The following MEP1A variants were observed in gnomAD, a reference collection of about 807,000 sequenced individuals.
MEP1A encodes the protein N-benzoyl-L-tyrosyl-P-amino-benzoic acid hydrolase subunit alpha.
Under a neutral mutation model 84.5 loss-of-function variants are expected in MEP1A, and 68 were observed. The observed-to-expected ratio is 0.80, with a 90% CI of 0.66 to 0.98. The LOEUF is 0.98. MEP1A is among the 50% of genes least tolerant of loss of function. MEP1A has a pLI of 0.00. For synonymous variants in MEP1A, 337 were observed against 336.8 expected, an observed-to-expected ratio of 1.00 and a Z score of -0.01; for missense variants, 887 against 919.9, an observed-to-expected ratio of 0.96 and a Z score of 0.46.
intron 3 of MEP1A, among the ~76,000 whole-genome samples, chr6:46,798,288 C>G (rs1317058663): frequency 6.6e-6 from 1 of 152,078 alleles, no homozygotes; most frequent in African/African-American, 2.4e-5. Flanking sequence ...TAGTTTTCAT[C>G]CTCCTTATCA....
chr6:46,843,445 A>C (rs761062174), downstream of MEP1A, among the ~76,000 whole-genome samples: 7 of 152,238 alleles, frequency 4.6e-5, no homozygotes, highest in Non-Finnish European at 7.3e-5. Context: ...CTGTCTTGAT[A>C]ATTGTATTTA....
rs114538502 is a variant in MEP1A at position 46,816,273 on chromosome 6, A to T, written c.381-3256A>T. On this transcript the variant is annotated intron_variant, in intron 6 of 13. Transcript: ENST00000230588. ...CGCCCGGCCTCATTCTTCTATTTTT[A>T]AAAAAATTGCACACCTACTACATTC... 5.8e-3 allele frequency among the ~76,000 whole-genome samples: 881 copies of T among 152,176 alleles called. 5 individuals are homozygous for T. Among genetic ancestry groups the T allele is most frequent in the Non-Finnish European group, 7.0e-3 (475 of 68,006 alleles).
intron 5 of MEP1A, among the ~76,000 whole-genome samples, chr6:46,801,329 G>C (rs1247793120): frequency 6.6e-6 from 1 of 151,966 alleles, no homozygotes; most frequent in Non-Finnish European, 1.5e-5. Context: ...GTTGTAAAAT[G>C]GTATCTCCCT....
At chr6:46,796,749 ACTG>A (rs1767057994) in intron 3 of MEP1A, among the ~76,000 whole-genome samples, 1 of 152,170 alleles carries the variant, frequency 6.6e-6, no homozygotes, top group Non-Finnish European at 1.5e-5. Context: ...ATCCATTCTG[ACTG>A]ACCACTGGGG....
chr6:46,802,351 T>G (rs1034050253), intron 5 of MEP1A, among the ~76,000 whole-genome samples: 17 of 151,890 alleles, frequency 1.1e-4, no homozygotes, highest in Admixed American at 2.0e-4. Context: ...TAAAATGAAA[T>G]TTAAAAAATT....
intron 7 of MEP1A, among the ~76,000 whole-genome samples, chr6:46,821,144 A>T (rs1767764527): frequency 6.6e-6 from 1 of 152,150 alleles, no homozygotes; most frequent in African/African-American, 2.4e-5. Flanking sequence ...TTCACATGAG[A>T]TGAGGGTAGA....
intron 6 of MEP1A, among the ~76,000 whole-genome samples, chr6:46,814,369 C>CT (rs1767582298): frequency 6.6e-6 from 1 of 152,100 alleles, no homozygotes; most frequent in African/African-American, 2.4e-5. Context: ...TTGCATTTCT[C>CT]TAAGTATGTC....
In MEP1A at chr6:46,833,184, A is replaced by G. The variant is rs372726613; in HGVS notation, c.1255A>G (p.Ile419Val). 110 of 1,608,838 alleles carry G rather than the reference A, an allele frequency of 6.8e-5. No individual in the cohort carries two copies. Among genetic ancestry groups the G allele is most frequent in the Admixed American group, 8.4e-5 (5 of 59,210 alleles). The change falls in exon 11 of 14, where the codon ATT becomes GTT. Residue 419 changes from isoleucine (I) to valine (V), a missense_variant. Physicochemically the swap from Ile to Val is conservative, Grantham distance 29 (BLOSUM62 3). Transcript: ENST00000230588. ...KGDPQNSTGG[I>V]YLDDITLTET... ...CGACCCTCAGAACTCAACTGGGGGA[A>G]TTTACCTAGATGACATCACTCTGAC...
intron 3 of MEP1A, among the ~76,000 whole-genome samples, chr6:46,798,154 G>A (rs1256287558): frequency 6.6e-6 from 1 of 151,932 alleles, no homozygotes; most frequent in Admixed American, 6.6e-5. Context: ...TTTTAGTAGA[G>A]ACAGGGTTTT....
At chr6:46,809,369 A>G (rs1767436321) in intron 5 of MEP1A, 51 bp from the exon 6 acceptor site, 1 of 1,149,960 alleles carries the variant, frequency 8.7e-7, no homozygotes, top group Non-Finnish European at 1.3e-6. Context: ...AGTTATAGAT[A>G]TTATCTAAGG....
chr6:46,808,105 G>A (rs1767407149), intron 5 of MEP1A, among the ~76,000 whole-genome samples: 1 of 151,932 alleles, frequency 6.6e-6, no homozygotes, highest in Non-Finnish European at 1.5e-5. Flanking sequence ...TAACAAAAGC[G>A]AAATAGCCTT....
At chr6:46,807,823 G>T (rs993984409) in intron 5 of MEP1A, among the ~76,000 whole-genome samples, 6 of 149,126 alleles carry the variant, frequency 4.0e-5, no homozygotes, top group African/African-American at 1.5e-4. Context: ...AAGAAAGAAA[G>T]AAAGAAAGAA....
intron 6 of MEP1A, among the ~76,000 whole-genome samples, chr6:46,817,307 G>T (rs536237812): frequency 9.2e-5 from 14 of 152,296 alleles, no homozygotes; most frequent in African/African-American, 3.1e-4. Flanking sequence ...TAACTTTGGG[G>T]ATGAGGTAGG....
chr6:46,805,514 T>C (rs1767292647), intron 5 of MEP1A, among the ~76,000 whole-genome samples: 1 of 151,900 alleles, frequency 6.6e-6, no homozygotes, highest in African/African-American at 2.4e-5. Context: ...TAGTATTGAG[T>C]TCTAAGTGTT....
Position 46,824,968 on chromosome 6 carries a change from AAT to A in MEP1A, c.557-296_557-295del, listed in dbSNP as rs1282630816. On this transcript the variant is annotated intron_variant, in intron 7 of 13. Coordinates refer to ENST00000230588, the MANE Select transcript of MEP1A (RefSeq NM_005588.3). ...TTATATATTTAAATAGATCTATTTA[AAT>A]ATATATAAATTATATATTTAAATAG... Among the ~76,000 whole-genome samples, 49 of 121,632 alleles carry A rather than the reference AAT, an allele frequency of 4.0e-4. 2 individuals carry two copies. The highest frequency in any genetic ancestry group is 1.4e-3 in the African/African-American group (36 of 25,254). The allele number at this position is 121,632 out of a possible 152,430, so 79.8% of individuals were successfully genotyped here. A position where few individuals can be genotyped will look rare whatever the true frequency, so the allele number is the denominator to read the frequency against.
chr6:46,793,678 AT>A lies in MEP1A; in HGVS notation c.111del (p.Phe37LeufsTer12). On this transcript the variant is annotated frameshift_variant, in exon 3 of 14. Coordinates refer to ENST00000230588, the MANE Select transcript of MEP1A (RefSeq NM_005588.3). LOFTEE classifies it high-confidence loss of function. ...TCACTTTTAACAGTACATGATGCAG[AT>A]TTTGGTGAACAGAAGGATATTTCAG... ...YLPEENVHDADFGEQKDISEI... is the reference protein window; with the variant it reads ...YLPEENVHDAXFGEQKDISEI... 6.2e-7 allele frequency: 1 copy of A among 1,610,924 alleles called. No individual in the cohort carries two copies. The highest frequency in any genetic ancestry group is 8.5e-7 in the Non-Finnish European group (1 of 1,177,690).
chr6:46,837,248 C>T (rs1768235216), intron 13 of MEP1A, among the ~76,000 whole-genome samples: 2 of 152,188 alleles, frequency 1.3e-5, no homozygotes, highest in Admixed American at 6.5e-5. Flanking sequence ...ATTCACATCA[C>T]GAAGGAATCA....
chr6:46,798,469 C>T (rs567731249), intron 3 of MEP1A, 137 bp from the exon 4 acceptor site: 3 of 704,816 alleles, frequency 4.3e-6, no homozygotes, highest in East Asian at 5.3e-5. Context: ...GGAATTTTTG[C>T]ATTGTTTCAA....
chr6:46,831,480 G>T (rs1352897893), intron 10 of MEP1A, among the ~76,000 whole-genome samples: 1 of 152,114 alleles, frequency 6.6e-6, no homozygotes, highest in Non-Finnish European at 1.5e-5. Context: ...GATTAAATTT[G>T]TCTCAAACAA....
Sources: gnomAD v4.1 joint callset for allele counts (sites outside exome capture counted in the v4.1 genomes callset) on GRCh38, gnomAD v4.1.1 for gene constraint, MANE v1.5 for transcripts, NCBI Gene and HGNC (gene_info 2026-07-23, HGNC 2026-07-21) for gene names.